Variants in GRHL2 observed in about 807,000 individuals in gnomAD.
The protein encoded by GRHL2 is grainyhead-like protein 2 homolog.
A neutral mutation model predicts 83.8 loss-of-function variants in GRHL2; 21 were observed. The ratio of observed to expected loss-of-function variants is 0.25; its 90% CI spans 0.18 to 0.36. The LOEUF is 0.36. GRHL2 is among the 10% of genes least tolerant of loss of function. GRHL2 has a pLI of 1.00. For missense variants in GRHL2, 623 were observed against 781.8 expected, an observed-to-expected ratio of 0.80 and a Z score of 2.42; for synonymous variants, 280 against 278.9, an observed-to-expected ratio of 1.00 and a Z score of -0.04.
intron 10 of GRHL2, 81 bp from the exon 11 acceptor site, chr8:101,632,140 GAAAAT>G: frequency 2.1e-6 from 3 of 1,444,792 alleles, no homozygotes; most frequent in Non-Finnish European, 2.9e-6. Flanking sequence ...CTTCATATGA[GAAAAT>G]CGTGGACTTT....
downstream of GRHL2, chr8:101,669,832 C>T (rs1814173050): frequency 6.6e-6 from 1 of 152,184 alleles, no homozygotes. Context: ...ACCCTGCCTT[C>T]AGGTCCTGGG....
At position 101,585,692 on chromosome 8, in the gene GRHL2, T is replaced by C. The variant is rs1812149091; in HGVS notation, c.1003+8173T>C. On this transcript the variant is annotated intron_variant, in intron 7 of 15. Coordinates refer to ENST00000646743, the MANE Select transcript of GRHL2 (RefSeq NM_024915.4). ...GGAAAACTCCTTTTCATCTCAACCT[T>C]GATTAGAAACAGTTATGTGATAAAA... is the stretch of plus-strand genomic sequence containing the variant. Among the ~76,000 whole-genome samples, 8 of 152,332 alleles carry C rather than the reference T, an allele frequency of 5.3e-5. No homozygotes were observed. The South Asian group carries it at 1.5e-3, about 28-fold the overall frequency.
the GRHL2 span, among the ~76,000 whole-genome samples, chr8:101,677,527 GAA>G: frequency 1.3e-5 from 2 of 151,250 alleles, no homozygotes; most frequent in Admixed American, 1.3e-4. Context: ...ACTGGTATTG[GAA>G]AAAAAAAATA....
chr8:101,520,211 C>A (rs991473140), intron 1 of GRHL2, among the ~76,000 whole-genome samples: 10 of 152,338 alleles, frequency 6.6e-5, no homozygotes, highest in African/African-American at 1.4e-4. Flanking sequence ...TGGAGTCCAA[C>A]ATTTCTACCA....
At chr8:101,606,023 T>C (rs1812626237) in intron 8 of GRHL2, among the ~76,000 whole-genome samples, 1 of 152,210 alleles carries the variant, frequency 6.6e-6, no homozygotes. Context: ...TGTTCTTTTT[T>C]TGAAAAACCA....
intron 4 of GRHL2, among the ~76,000 whole-genome samples, chr8:101,564,731 C>T (rs1811678971): frequency 6.9e-6 from 1 of 145,100 alleles, no homozygotes; most frequent in Non-Finnish European, 1.5e-5. Context: ...AGGATTGCTT[C>T]AGTCCAGGAA....
chr8:101,675,483 T>C, the GRHL2 span, among the ~76,000 whole-genome samples: 6 of 151,406 alleles, frequency 4.0e-5, no homozygotes, highest in African/African-American at 9.7e-5. Context: ...AATAAAATAC[T>C]TAGGAATCCA....
At chr8:101,603,189 T>G (rs574482711) in intron 8 of GRHL2, among the ~76,000 whole-genome samples, 1 of 152,206 alleles carries the variant, frequency 6.6e-6, no homozygotes, top group African/African-American at 2.4e-5. Flanking sequence ...TTATATATCA[T>G]CTTTGAAGCT....
rs149542655 is a variant in GRHL2, at chr8:101,539,828, A to G, written c.21-3413A>G. ...CTTTGTTTAGAAATGTTGGCCCCTT[A>G]TTTGTCCTGTCATTAGGTTAGTCCC... On this transcript the variant is annotated intron_variant, in intron 1 of 15. Coordinates refer to ENST00000646743, the MANE Select transcript of GRHL2 (RefSeq NM_024915.4). Among the ~76,000 whole-genome samples, 104 of 152,128 alleles carry G rather than the reference A, an allele frequency of 6.8e-4. 1 individual carries two copies. The East Asian group carries it at 0.017, about 25-fold the overall frequency.
rs902329212 is a variant in GRHL2 at position 101,649,285 on chromosome 8, G to C, written c.1613-129G>C. The C allele has an allele frequency of 9.6e-6, 7 of 726,326 alleles. No homozygotes were observed. The African/African-American group carries it at 1.2e-4, about 13-fold the overall frequency. 45.0% of individuals were successfully genotyped at this position (726,326 alleles called of 1,614,324 possible). On this transcript the variant is annotated intron_variant, in intron 13 of 15. Coordinates refer to ENST00000646743, the MANE Select transcript of GRHL2 (RefSeq NM_024915.4). Reference sequence around the variant, plus strand: ...ACCCTTGTTGAATGTTAGTTATCTGGACCAGGGTTCTGAGGCTTCGCAGGA... The same window carrying C: ...ACCCTTGTTGAATGTTAGTTATCTGCACCAGGGTTCTGAGGCTTCGCAGGA...
chr8:101,601,208 A>G (rs1169804268), intron 8 of GRHL2, among the ~76,000 whole-genome samples: 2 of 151,512 alleles, frequency 1.3e-5, no homozygotes, highest in African/African-American at 4.9e-5. Context: ...CACCACCACC[A>G]CCACCACCAA....
intron 12 of GRHL2, among the ~76,000 whole-genome samples, chr8:101,640,066 T>C (rs1813368904): frequency 6.6e-6 from 1 of 152,192 alleles, no homozygotes; most frequent in South Asian, 2.1e-4. Context: ...TTAGAAACAG[T>C]CTTTCAGACA....
chr8:101,552,945 C>T (rs1239822506), intron 3 of GRHL2, among the ~76,000 whole-genome samples, 163 bp downstream of exon 3: 1 of 152,170 alleles, frequency 6.6e-6, no homozygotes, highest in East Asian at 1.9e-4. Context: ...ATGAGGAGAG[C>T]AAATTGCATG....
chr8:101,673,149 T>C (rs1009662309), downstream of GRHL2, among the ~76,000 whole-genome samples: 11 of 150,912 alleles, frequency 7.3e-5, no homozygotes, highest in African/African-American at 1.7e-4. Context: ...CATCAACTAA[T>C]GAGCAAAATA....
At chr8:101,574,600 T>G (rs913737004) in intron 6 of GRHL2, among the ~76,000 whole-genome samples, 1 of 152,200 alleles carries the variant, frequency 6.6e-6, no homozygotes, top group Admixed American at 6.5e-5. Flanking sequence ...TTCAGAACAC[T>G]TAAGAAGGGG....
At chr8:101,587,337 GTC>G (rs1287072825) in intron 7 of GRHL2, among the ~76,000 whole-genome samples, 2 of 152,216 alleles carry the variant, frequency 1.3e-5, no homozygotes, top group Admixed American at 1.3e-4. Context: ...ACCTCTGAGA[GTC>G]TGTTTTAATG....
the GRHL2 span, among the ~76,000 whole-genome samples, chr8:101,675,024 A>T: frequency 6.6e-6 from 1 of 152,008 alleles, no homozygotes; most frequent in African/African-American, 2.4e-5. Context: ...CATGCTAAAA[A>T]CTCTCAATCA....
intron 7 of GRHL2, among the ~76,000 whole-genome samples, chr8:101,585,466 A>G (rs1439961178): frequency 1.3e-5 from 2 of 152,176 alleles, no homozygotes; most frequent in Non-Finnish European, 2.9e-5. Context: ...CTGTAGTTGG[A>G]GCTCAGTCAG....
chr8:101,652,357 TG>T (rs1362297339), intron 14 of GRHL2, among the ~76,000 whole-genome samples: 1,259 of 84,664 alleles, frequency 0.015, 111 homozygotes, highest in African/African-American at 0.075. Flanking sequence ...GTGGTGTGTG[TG>T]GTGTGTGTGT....
Sources: allele counts gnomAD v4.1 joint callset (sites outside exome capture counted in the v4.1 genomes callset), GRCh38; gene constraint gnomAD v4.1.1; transcripts MANE v1.5; gene names NCBI Gene and HGNC (gene_info 2026-07-23, HGNC 2026-07-21).